DACH2: variants seen among roughly 807,000 people sequenced by gnomAD.
DACH2 encodes the protein dachshund family transcription factor 2.
A neutral mutation model predicts 35.8 loss-of-function variants in DACH2; 17 were observed. The ratio of observed to expected loss-of-function variants is 0.48; its 90% CI spans 0.33 to 0.71. The LOEUF (loss-of-function observed/expected upper bound fraction) is 0.71, where lower values mean the gene tolerates loss of function less well. DACH2 is among the 30% of genes least tolerant of loss of function. DACH2 has a pLI of 0.02. For missense variants in DACH2, 469 were observed against 472.7 expected, an observed-to-expected ratio of 0.99 and a Z score of 0.07; for synonymous variants, 195 against 177.3, an observed-to-expected ratio of 1.10 and a Z score of -0.79.
At chrX:86,394,392 A>C (rs1424091462) in intron 2 of DACH2, among the ~76,000 whole-genome samples, 1 of 111,623 alleles carries the variant, frequency 9.0e-6, no homozygotes, top group Admixed American at 9.6e-5. Flanking sequence ...TGCTCCTAGT[A>C]TTTTCAAAGA....
intron 6 of DACH2, among the ~76,000 whole-genome samples, chrX:86,722,090 G>A (rs2041413092): frequency 8.9e-6 from 1 of 111,933 alleles, no homozygotes; most frequent in African/African-American, 3.3e-5. Flanking sequence ...TCAGACTGGT[G>A]AGCATAGGCA....
At chrX:86,579,114 C>T (rs191192823) in intron 3 of DACH2, among the ~76,000 whole-genome samples, 118 of 105,909 alleles carry the variant, frequency 1.1e-3, no homozygotes, top group African/African-American at 3.0e-3. Flanking sequence ...TTTTTTGAGA[C>T]GGAGTTTCGC....
chrX:86,262,133 AC>A (rs1202516210), intron 1 of DACH2, among the ~76,000 whole-genome samples: 2 of 99,366 alleles, frequency 2.0e-5, no homozygotes, highest in African/African-American at 8.0e-5. Context: ...AAAAAAAAAA[AC>A]ACACACTAGC....
chrX:86,374,566 T>C (rs1442025308), intron 1 of DACH2, among the ~76,000 whole-genome samples: 1 of 111,060 alleles, frequency 9.0e-6, no homozygotes, highest in Non-Finnish European at 1.9e-5. Context: ...TAGTTGTATA[T>C]TGTATATTGT....
intron 1 of DACH2, chrX:86,161,018 C>G: frequency 2.0e-6 from 2 of 976,092 alleles, no homozygotes; most frequent in Non-Finnish European, 2.9e-6. Context: ...CTTTCCATCC[C>G]TTGAACGAAG....
intron 3 of DACH2, among the ~76,000 whole-genome samples, chrX:86,606,798 A>T (rs6623733): frequency 0.14 from 15,992 of 111,230 alleles, 1,012 homozygotes; most frequent in South Asian, 0.36. Flanking sequence ...GGGGTGTTAA[A>T]GTCTCCAGAT....
At chrX:86,595,367 G>C (rs1184878689) in intron 3 of DACH2, among the ~76,000 whole-genome samples, 3 of 111,312 alleles carry the variant, frequency 2.7e-5, no homozygotes, top group Non-Finnish European at 5.7e-5. Flanking sequence ...CCCACCTCAG[G>C]ATCTCAAAGT....
At chrX:86,330,314 G>T (rs762119208) in intron 1 of DACH2, among the ~76,000 whole-genome samples, 30 of 111,989 alleles carry the variant, frequency 2.7e-4, no homozygotes, top group South Asian at 1.9e-3. Flanking sequence ...AGGCAAGGAG[G>T]TTCCAGCTAA....
At chrX:86,668,728 A>G (rs1387442223) in intron 4 of DACH2, among the ~76,000 whole-genome samples, 1 of 111,895 alleles carries the variant, frequency 8.9e-6, no homozygotes, top group Admixed American at 9.5e-5. Context: ...GGAAGAAAAT[A>G]AGATCTAATA....
chrX:86,646,638 A>G (rs2040418470), intron 3 of DACH2, among the ~76,000 whole-genome samples: 1 of 110,142 alleles, frequency 9.1e-6, no homozygotes, highest in African/African-American at 3.3e-5. Context: ...AAAGCAATCA[A>G]CAGAGTGAAA....
In DACH2 at chrX:86,680,905, C is replaced by T. The variant is rs181052532; in HGVS notation, c.773-14116C>T. Among the ~76,000 whole-genome samples, 13 of 110,929 alleles carry T rather than the reference C, an allele frequency of 1.2e-4. No individual in the cohort carries two copies. In the East Asian group the frequency reaches 3.4e-3, roughly 29 times the overall value. On this transcript the variant is annotated intron_variant, in intron 4 of 11. Coordinates refer to ENST00000373125, the MANE Select transcript of DACH2 (RefSeq NM_053281.3). ...TTGGCCTTAAGCAATCCTCCTGCCT[C>T]AGCCTCCCACATTGCTACTGGTGTC...
At chrX:86,668,251 G>C (rs2040723291) in intron 4 of DACH2, among the ~76,000 whole-genome samples, 1 of 111,778 alleles carries the variant, frequency 8.9e-6, no homozygotes, top group African/African-American at 3.2e-5. Flanking sequence ...ATACCTCCAG[G>C]CACCTACCAA....
intron 1 of DACH2, among the ~76,000 whole-genome samples, chrX:86,286,727 C>A (rs2034158956): frequency 2.6e-5 from 2 of 76,176 alleles, no homozygotes; most frequent in African/African-American, 5.7e-5. Context: ...AACTTGCAAA[C>A]AAACAAACAA....
intron 3 of DACH2, among the ~76,000 whole-genome samples, chrX:86,528,706 T>A (rs2148285366): frequency 8.9e-6 from 1 of 112,329 alleles, no homozygotes; most frequent in African/African-American, 3.2e-5. Context: ...TTTAGAGAAG[T>A]AAATCTTTTT....
At chrX:86,158,359 A>G (rs886305733) in intron 1 of DACH2, among the ~76,000 whole-genome samples, 3 of 111,332 alleles carry the variant, frequency 2.7e-5, no homozygotes, top group African/African-American at 9.8e-5. Context: ...TCACCCAGGC[A>G]GGAGTGCAGT....
At chrX:86,635,027 A>T (rs1167324855) in intron 3 of DACH2, among the ~76,000 whole-genome samples, 1 of 111,234 alleles carries the variant, frequency 9.0e-6, no homozygotes, top group Non-Finnish European at 1.9e-5. Flanking sequence ...TAAGGCCAGC[A>T]TTATCCTGAT....
At chrX:86,669,826 G>A (rs1398111799) in intron 4 of DACH2, among the ~76,000 whole-genome samples, 1 of 111,042 alleles carries the variant, frequency 9.0e-6, no homozygotes, top group East Asian at 2.8e-4. Context: ...TGCTCACACT[G>A]CCAAGCAGTA....
At position 86,811,167 on chromosome X, in the gene DACH2, A is replaced by AT. The variant is rs377420211; in HGVS notation, c.1241-1682dup. ...GTTGACTCTAATATAATCATATAGC[A>AT]TTTTTTTAAATTGCTATTGGTTTGG... On this transcript the variant is annotated intron_variant, in intron 7 of 11. Transcript: ENST00000373125. 8.9e-3 allele frequency among the ~76,000 whole-genome samples: 999 copies of AT among 111,746 alleles called. 5 individuals carry two copies. The highest frequency in any genetic ancestry group is 0.031 in the African/African-American group (954 of 30,804).
chrX:86,556,795 T>TATATATAGAGAG (rs1232719385), intron 3 of DACH2, among the ~76,000 whole-genome samples: 17 of 25,268 alleles, frequency 6.7e-4, no homozygotes, highest in Admixed American at 1.4e-3. Flanking sequence ...TATATATATA[T>TATATATAGAGAG]AGAGAGAGAG....
Sources: allele counts gnomAD v4.1 joint callset (sites outside exome capture counted in the v4.1 genomes callset), GRCh38; gene constraint gnomAD v4.1.1; transcripts MANE v1.5; gene names NCBI Gene and HGNC (gene_info 2026-07-23, HGNC 2026-07-21).